Variants in PDSS2 observed in about 807,000 individuals in gnomAD.
PDSS2 encodes all trans-polyprenyl-diphosphate synthase PDSS2.
A neutral mutation model predicts 44.5 loss-of-function variants in PDSS2; 31 were observed. The observed-to-expected ratio is 0.70, with a 90% confidence interval of 0.52 to 0.94. PDSS2 has a LOEUF of 0.94. Among genes scored for constraint, PDSS2 ranks in the 40% least tolerant of loss-of-function variants. PDSS2 has a pLI of 0.00. For synonymous variants in PDSS2, 157 were observed against 180.3 expected (o/e 0.87, Z 1.03); for missense variants, 452 against 482.2 (o/e 0.94, Z 0.59).
chr6:107,170,579 C>A (rs1359770748), intron 7 of PDSS2, among the ~76,000 whole-genome samples: 2 of 149,774 alleles, frequency 1.3e-5, no homozygotes, highest in African/African-American at 2.5e-5. Context: ...TAGACTGGAG[C>A]TGTTCTTATT....
At chr6:107,371,483 C>A (rs1562494414) in intron 1 of PDSS2, among the ~76,000 whole-genome samples, 1 of 152,172 alleles carries the variant, frequency 6.6e-6, no homozygotes. Flanking sequence ...CTGCAGGTTA[C>A]ATTCTCCTGT....
intron 1 of PDSS2, among the ~76,000 whole-genome samples, chr6:107,419,224 A>G (rs766593458): frequency 6.6e-6 from 1 of 152,210 alleles, no homozygotes; most frequent in Non-Finnish European, 1.5e-5. Context: ...GCAGAAATGG[A>G]TATCAATCTA....
At chr6:107,357,371 T>A (rs977794491) in intron 1 of PDSS2, among the ~76,000 whole-genome samples, 2 of 152,264 alleles carry the variant, frequency 1.3e-5, no homozygotes, top group South Asian at 4.1e-4. Context: ...ATGCCTAGAT[T>A]TCCAGAGTCT....
At chr6:107,414,834 A>G (rs1291330866) in intron 1 of PDSS2, among the ~76,000 whole-genome samples, 1 of 152,226 alleles carries the variant, frequency 6.6e-6, no homozygotes, top group Non-Finnish European at 1.5e-5. Context: ...GGCATCAATT[A>G]AAGTAGTGAC....
intron 1 of PDSS2, among the ~76,000 whole-genome samples, chr6:107,376,684 T>A (rs1357956186): frequency 6.6e-6 from 1 of 152,052 alleles, no homozygotes; most frequent in Non-Finnish European, 1.5e-5. Flanking sequence ...TTTCTAGATA[T>A]ACAATCATGT....
At chr6:107,422,949 T>C (rs1780874594) in intron 1 of PDSS2, among the ~76,000 whole-genome samples, 1 of 151,998 alleles carries the variant, frequency 6.6e-6, no homozygotes. Context: ...CACTACATAA[T>C]TTTTTTTACT....
intron 2 of PDSS2, among the ~76,000 whole-genome samples, chr6:107,309,350 CCT>C (rs1465658828): frequency 6.6e-6 from 1 of 152,194 alleles, no homozygotes; most frequent in African/African-American, 2.4e-5. Context: ...CTAACTTAGA[CCT>C]CTGTCTTCAT....
At chr6:107,156,214 T>TTTC (rs1554245609) in intron 7 of PDSS2, among the ~76,000 whole-genome samples, 4 of 148,474 alleles carry the variant, frequency 2.7e-5, no homozygotes, top group Admixed American at 2.0e-4. Context: ...TTTTTTTTTT[T>TTTC]CCTGAGATGG....
At chr6:107,163,321 T>C (rs1430118617) in intron 7 of PDSS2, among the ~76,000 whole-genome samples, 4 of 152,202 alleles carry the variant, frequency 2.6e-5, no homozygotes, top group Non-Finnish European at 5.9e-5. Context: ...TTTACTTTAG[T>C]CAATACTCAA....
intron 4 of PDSS2, among the ~76,000 whole-genome samples, chr6:107,214,535 A>G (rs753991180): frequency 6.6e-6 from 1 of 152,206 alleles, no homozygotes; most frequent in Non-Finnish European, 1.5e-5. Context: ...AACCATGTTC[A>G]TTTTATGGCA....
intron 2 of PDSS2, among the ~76,000 whole-genome samples, chr6:107,333,140 A>G (rs751609651): frequency 3.3e-4 from 51 of 152,246 alleles, no homozygotes; most frequent in Non-Finnish European, 6.2e-4. Context: ...TCAATTAGCC[A>G]TAAGTCAAAG....
intron 2 of PDSS2, among the ~76,000 whole-genome samples, chr6:107,275,642 TA>T (rs1775754769): frequency 6.6e-6 from 1 of 152,144 alleles, no homozygotes; most frequent in African/African-American, 2.4e-5. Flanking sequence ...GTCACTAAAC[TA>T]TATGGGTGAT....
intron 2 of PDSS2, among the ~76,000 whole-genome samples, chr6:107,328,123 A>G (rs2500580): frequency 0.93 from 141,011 of 152,290 alleles, 66,149 homozygotes; most frequent in East Asian, 1. Context: ...TCTAATAAAG[A>G]CCATGAAGCA....
intron 2 of PDSS2, among the ~76,000 whole-genome samples, chr6:107,280,243 G>C (rs539768833): frequency 3.5e-4 from 54 of 152,142 alleles, no homozygotes; most frequent in Non-Finnish European, 6.6e-4. Flanking sequence ...TGTATTTTTA[G>C]TAGAGACAGG....
At chr6:107,325,686 A>G (rs1387337396) in intron 2 of PDSS2, among the ~76,000 whole-genome samples, 1 of 152,186 alleles carries the variant, frequency 6.6e-6, no homozygotes, top group African/African-American at 2.4e-5. Flanking sequence ...CCCTCATTCT[A>G]ATTACAGGAT....
intron 4 of PDSS2, among the ~76,000 whole-genome samples, chr6:107,227,477 C>T (rs1013945331): frequency 2.1e-5 from 3 of 145,092 alleles, no homozygotes; most frequent in Admixed American, 6.9e-5. Flanking sequence ...TTAGTAAAGG[C>T]GGGTTTCACC....
intron 2 of PDSS2, among the ~76,000 whole-genome samples, chr6:107,277,434 G>A (rs1241174913): frequency 1.3e-5 from 2 of 152,192 alleles, no homozygotes; most frequent in Non-Finnish European, 2.9e-5. Context: ...GTTATAGCAG[G>A]TGAAATGGTC....
chr6:107,458,545 T>C (rs1319822584), intron 1 of PDSS2, among the ~76,000 whole-genome samples: 2 of 151,248 alleles, frequency 1.3e-5, no homozygotes, highest in African/African-American at 2.4e-5. Flanking sequence ...CCCCAAGACA[T>C]TCGTTGGAAA....
rs548877612 is a variant in PDSS2, at chr6:107,206,871, CA to C, written c.1008+3567del. 7.2e-3 allele frequency among the ~76,000 whole-genome samples: 1,090 copies of C among 152,192 alleles called. 9 individuals are homozygous for C. Among genetic ancestry groups the C allele is most frequent in the Non-Finnish European group, 0.011 (734 of 68,016 alleles). On this transcript the variant is annotated intron_variant, in intron 6 of 7. Coordinates refer to ENST00000369037, the MANE Select transcript of PDSS2 (RefSeq NM_020381.4). The stretch of plus-strand genomic sequence containing the variant: ...AACTCTAACAAAACCGGGCTGCCAC[CA>C]AACAGTCTCAACCTGCAAGACCACA...
Sources: allele counts gnomAD v4.1 joint callset (sites outside exome capture counted in the v4.1 genomes callset), GRCh38; gene constraint gnomAD v4.1.1; transcripts MANE v1.5; gene names NCBI Gene and HGNC (gene_info 2026-07-23, HGNC 2026-07-21).